The following CCDC149 variants were observed in gnomAD, a reference collection of about 807,000 sequenced individuals.
CCDC149 encodes coiled-coil domain-containing protein 149.
A neutral mutation model predicts 59.9 loss-of-function variants in CCDC149; 45 were observed. The ratio of observed to expected loss-of-function variants is 0.75; its 90% confidence interval spans 0.59 to 0.96. CCDC149 has a LOEUF of 0.96. CCDC149 is among the 40% of genes least tolerant of loss of function. The pLI is 0.00. For synonymous variants in CCDC149, 245 were observed against 260.6 expected (o/e 0.94, Z 0.58); for missense variants, 584 against 664.7 (o/e 0.88, Z 1.33).
At chr4:24,948,978 C>T (rs1436666553) in intron 1 of CCDC149, among the ~76,000 whole-genome samples, 1 of 152,162 alleles carries the variant, frequency 6.6e-6, no homozygotes, top group Non-Finnish European at 1.5e-5. Context: ...TTTGAGGCCT[C>T]CCCAGCCACG....
intron 1 of CCDC149, among the ~76,000 whole-genome samples, chr4:24,943,338 G>A (rs1382632099): frequency 1.3e-5 from 2 of 151,750 alleles, no homozygotes; most frequent in African/African-American, 2.4e-5. Context: ...TTTAATAAAT[G>A]GTGCTGGGAA....
chr4:24,909,172 C>T (rs1721724726), intron 1 of CCDC149, among the ~76,000 whole-genome samples: 1 of 152,154 alleles, frequency 6.6e-6, no homozygotes, highest in South Asian at 2.1e-4. Flanking sequence ...AAAACTGCTT[C>T]CTAGAGGCAA....
At chr4:24,929,813 T>C (rs1019173919) in intron 1 of CCDC149, among the ~76,000 whole-genome samples, 6 of 152,208 alleles carry the variant, frequency 3.9e-5, no homozygotes, top group African/African-American at 9.7e-5. Context: ...TTTTCTGCTT[T>C]ATATTTTATT....
chr4:24,852,097 T>C (rs1717695649), intron 4 of CCDC149, among the ~76,000 whole-genome samples: 1 of 151,594 alleles, frequency 6.6e-6, no homozygotes, highest in Non-Finnish European at 1.5e-5. Context: ...CTCTCTGAAG[T>C]CTTATTATGG....
chr4:24,950,384 G>C (rs541081561), intron 1 of CCDC149, among the ~76,000 whole-genome samples: 1 of 152,356 alleles, frequency 6.6e-6, no homozygotes, highest in South Asian at 2.1e-4. Flanking sequence ...ACTTAGCACA[G>C]TGCCTGACAC....
intron 1 of CCDC149, among the ~76,000 whole-genome samples, chr4:24,971,939 C>A (rs1005262846): frequency 6.6e-6 from 1 of 152,204 alleles, no homozygotes; most frequent in Non-Finnish European, 1.5e-5. Context: ...AATAAGTCAA[C>A]CAGTTGCTGA....
rs140648751 is a variant in CCDC149 at position 24,944,707 on chromosome 4, G to A, written c.-65+35362C>T. ...GCAAACCACCATGGCACATGTATAC[G>A]TATGTAACAAACCTGCACGTTCAGC... On this transcript the variant is annotated intron_variant, in intron 1 of 12. Transcript: ENST00000389609. Among the ~76,000 whole-genome samples, 324 of 151,546 alleles carry A rather than the reference G, an allele frequency of 2.1e-3. 1 individual carries two copies. The highest frequency in any genetic ancestry group is 7.6e-3 in the African/African-American group (312 of 41,284).
chr4:24,848,703 C>CT (rs1717472624), intron 4 of CCDC149, among the ~76,000 whole-genome samples: 1 of 149,396 alleles, frequency 6.7e-6, no homozygotes, highest in East Asian at 1.9e-4. Flanking sequence ...AAGTTCTCGA[C>CT]TTAAGGAAAA....
chr4:24,850,907 G>GT (rs2109178266), intron 4 of CCDC149, among the ~76,000 whole-genome samples: 1 of 152,038 alleles, frequency 6.6e-6, no homozygotes, highest in Admixed American at 6.5e-5. Context: ...AACCAGCCCT[G>GT]TAACTTTAGA....
intron 9 of CCDC149, chr4:24,822,942 A>G (rs1244907626): frequency 6.3e-6 from 1 of 157,768 alleles, no homozygotes; most frequent in African/African-American, 2.4e-5. Flanking sequence ...ATAATATCAC[A>G]TCTTGATTCT....
intron 9 of CCDC149, among the ~76,000 whole-genome samples, chr4:24,825,021 A>C (rs1005051435): frequency 2.0e-5 from 3 of 152,174 alleles, no homozygotes; most frequent in Non-Finnish European, 4.4e-5. Flanking sequence ...CAGCCCAGGG[A>C]GAGAAGAGGG....
rs1213401908 is a variant in CCDC149, at chr4:24,872,216, A to C, written c.264+1465T>G. Among the ~76,000 whole-genome samples the C allele has an allele frequency of 2.6e-5, 4 of 152,254 alleles. No individual in the cohort carries two copies. In the East Asian group the frequency reaches 7.7e-4, roughly 29 times the overall value. On this transcript the variant is annotated intron_variant, in intron 3 of 12. Transcript: ENST00000635206. ...ATATATATAAGGATTTGATGATAAA[A>C]ATGTGCATGTAAAACCATTGGTTTG...
At chr4:24,809,158 G>T (rs2109083433) in intron 12 of CCDC149, among the ~76,000 whole-genome samples, 1 of 152,254 alleles carries the variant, frequency 6.6e-6, no homozygotes, top group East Asian at 1.9e-4. Flanking sequence ...GAGGACAAAG[G>T]TTTTGTTGGT....
In CCDC149 at chr4:24,912,975, G is replaced by T; in HGVS notation, c.-96C>A. The T allele has an allele frequency of 2.0e-6, 1 of 508,938 alleles. No homozygotes were observed. Among genetic ancestry groups the T allele is most frequent in the Non-Finnish European group, 2.6e-6 (1 of 380,106 alleles). The allele number at this position is 508,938 out of a possible 1,614,324, so 31.5% of individuals were successfully genotyped here. On this transcript the variant is annotated 5_prime_UTR_variant, in exon 1 of 13. Transcript: ENST00000635206. Reference sequence around the variant, plus strand: ...GCCCCGCGCGGCCCCGAGAGGGCCCGGCGCCTCCGAGCCGCTGCGCCGCCG... The same window carrying T: ...GCCCCGCGCGGCCCCGAGAGGGCCCTGCGCCTCCGAGCCGCTGCGCCGCCG...
intron 9 of CCDC149, chr4:24,830,353 A>T (rs1013291029): frequency 6.6e-6 from 1 of 152,156 alleles, no homozygotes; most frequent in African/African-American, 2.4e-5. Context: ...CTGACTTTTC[A>T]TTCCTTGGTT....
intron 1 of CCDC149, among the ~76,000 whole-genome samples, chr4:24,880,844 C>T (rs1330017606): frequency 6.6e-6 from 1 of 152,092 alleles, no homozygotes; most frequent in African/African-American, 2.4e-5. Context: ...TACAAAAGGA[C>T]CAAAAGAACG....
intron 3 of CCDC149, among the ~76,000 whole-genome samples, chr4:24,854,081 C>G (rs1717850120): frequency 6.6e-6 from 1 of 152,138 alleles, no homozygotes; most frequent in Non-Finnish European, 1.5e-5. Flanking sequence ...GCCTCATGGT[C>G]CCTTTCCCCA....
chr4:24,884,848 G>A (rs1720062938), intron 1 of CCDC149, among the ~76,000 whole-genome samples: 1 of 152,212 alleles, frequency 6.6e-6, no homozygotes, highest in Non-Finnish European at 1.5e-5. Context: ...TATCATGGAG[G>A]AGAGAGTGAC....
At chr4:24,979,723 A>T (rs556875552) in intron 1 of CCDC149, among the ~76,000 whole-genome samples, 1 of 152,298 alleles carries the variant, frequency 6.6e-6, no homozygotes, top group Non-Finnish European at 1.5e-5. Context: ...GAAAAGGAGG[A>T]GTTGCATGGG....
Sources: allele counts gnomAD v4.1 joint callset (sites outside exome capture counted in the v4.1 genomes callset), GRCh38; gene constraint gnomAD v4.1.1; transcripts MANE v1.5; gene names NCBI Gene and HGNC (gene_info 2026-07-23, HGNC 2026-07-21).